LAIR1: variants seen among roughly 807,000 people sequenced by gnomAD.
The protein encoded by LAIR1 is leukocyte associated immunoglobulin like receptor 1.
In LAIR1, 24 loss-of-function variants were observed where a neutral mutation model predicts 32.8. The ratio of observed to expected loss-of-function variants is 0.73; its 90% CI spans 0.53 to 1.03. LAIR1 has a LOEUF of 1.03. Ranked by LOEUF, LAIR1 falls within the 50% of genes least tolerant of loss-of-function variation. The probability of loss-of-function intolerance (pLI) is 0.00; values close to 1 mark genes in which losing one functional copy is unlikely to be tolerated. For synonymous variants in LAIR1, 150 were observed against 140.5 expected, an observed-to-expected ratio of 1.07 and a Z score of -0.48; for missense variants, 355 against 347.5, an observed-to-expected ratio of 1.02 and a Z score of -0.17.
chr19:54,367,101 C>T (rs2082281485), upstream of LAIR1, among the ~76,000 whole-genome samples: 1 of 152,082 alleles, frequency 6.6e-6, no homozygotes, highest in African/African-American at 2.4e-5. Flanking sequence ...TATGTATACA[C>T]AAAAATTAAA....
rs1274756808 is a variant in LAIR1 at position 54,364,312 on chromosome 19, G to A, written c.53C>T (p.Thr18Ile). Residue 18 changes from threonine to isoleucine, a missense_variant, in exon 2 of 10, where the codon ACC (threonine) becomes ATC (isoleucine). By Grantham distance (89) the Thr-to-Ile change is moderately conservative. Transcript: ENST00000391742. This position sits in a 1 kb window ranked among gnomAD's most constrained non-coding sequence, Gnocchi z 4.8. ...LLGLVLCLAQ[T>I]IHTQEEDLPR... The stretch of plus-strand genomic sequence containing the variant: ...TGACTTACCCTCCTGCGTGTGGATG[G>A]TCTGGGCCAGGCAGAGCACTGGAAG... 3.1e-6 allele frequency: 5 copies of A among 1,613,756 alleles called. No homozygotes were observed. The East Asian group carries it at 6.7e-5, about 22-fold the overall frequency.
chr19:54,366,412 G>C (rs1475047644), upstream of LAIR1, among the ~76,000 whole-genome samples: 1 of 152,222 alleles, frequency 6.6e-6, no homozygotes, highest in Admixed American at 6.5e-5. Flanking sequence ...AGCCACCTTT[G>C]TTACGCCTTA....
chr19:54,368,246 T>A (rs1275596381), upstream of LAIR1: 1 of 152,170 alleles, frequency 6.6e-6, no homozygotes, highest in Non-Finnish European at 1.5e-5. Context: ...AGGACAAGGA[T>A]AAAGTGCAGG....
In LAIR1 at chr19:54,356,013, G is replaced by T. The variant is rs141264715; in HGVS notation, c.665-7C>A. On this transcript the variant is annotated splice_polypyrimidine_tract_variant and splice_region_variant and intron_variant, in intron 8 of 9. Coordinates refer to ENST00000391742, the MANE Select transcript of LAIR1 (RefSeq NM_002287.6). The stretch of plus-strand genomic sequence containing the variant: ...CCATTGACTGTGGCCTTGTCTTGGG[G>T]AGAAAATACATGGTCAGTTTTCTGG... 1 of 1,606,912 alleles carries T rather than the reference G, an allele frequency of 6.2e-7. No individual in the cohort carries two copies. The highest frequency in any genetic ancestry group is 1.1e-5 in the South Asian group (1 of 90,936).
At chr19:54,374,134 G>A (rs377582067), upstream of LAIR1, among the ~76,000 whole-genome samples, 14 of 151,888 alleles carry the variant, frequency 9.2e-5, no homozygotes, top group East Asian at 1.5e-3. Context: ...TCTGCCTCAC[G>A]TGAAAAATAA....
At chr19:54,356,800 A>C in intron 5 of LAIR1, 128 bp downstream of exon 5, 1 of 1,279,232 alleles carries the variant, frequency 7.8e-7, no homozygotes, top group Non-Finnish European at 1.1e-6. Context: ...TGAGTGCTGG[A>C]GTCCTCTGCA....
rs555100696 is a variant in LAIR1 at position 54,357,786 on chromosome 19, C to T, written c.416-820G>A. Among the ~76,000 whole-genome samples, 5 of 151,954 alleles carry T rather than the reference C, an allele frequency of 3.3e-5. No homozygotes were observed. The South Asian group carries it at 1.0e-3, about 31-fold the overall frequency. ...GGGGCTGAGGCAGCATCTTCAATAT[C>T]CTTCAAGAAAGGCAGACATTCTCTC... On this transcript the variant is annotated intron_variant, in intron 4 of 9. Coordinates refer to ENST00000391742, the MANE Select transcript of LAIR1 (RefSeq NM_002287.6).
intron 2 of LAIR1, among the ~76,000 whole-genome samples, chr19:54,362,165 G>A (rs1288343203): frequency 1.3e-5 from 2 of 152,064 alleles, no homozygotes; most frequent in African/African-American, 4.8e-5. Context: ...AATTGTTGTG[G>A]TGAGAACATT....
rs773675692 is a variant in LAIR1, at chr19:54,361,129, C to A, written c.151G>T (p.Gly51Cys). ...LGSHVTFVCR[G>C]PVGVQTFRLE... is the part of the protein sequence containing the mutation. The stretch of plus-strand genomic sequence containing the variant: ...CGGAATGTTTGAACCCCAACCGGGC[C>A]CCGGCACACGAAAGTCACATGGCTC... Residue 51 changes from glycine (G) to cysteine (C), a missense_variant, in exon 3 of 10, where the codon GGC becomes TGC. By Grantham distance (159) the Gly-to-Cys change is radical. Coordinates refer to ENST00000391742, the MANE Select transcript of LAIR1 (RefSeq NM_002287.6). 1.9e-5 allele frequency: 30 copies of A among 1,614,070 alleles called. No individual in the cohort carries two copies. The highest frequency in any genetic ancestry group is 2.4e-5 in the Non-Finnish European group (28 of 1,180,040).
exon 1 of LAIR1, chr19:54,370,524 G>A: frequency 5.0e-6 from 2 of 396,094 alleles, no homozygotes; most frequent in African/African-American, 4.3e-5. Context: ...AGACATAGCG[G>A]GTGTCATAGA....
rs1464084922 is a variant in LAIR1 at position 54,364,735 on chromosome 19, C to T, written c.34+36G>A. 5 of 1,574,684 alleles carry T rather than the reference C, an allele frequency of 3.2e-6. No homozygotes were observed. The highest frequency in any genetic ancestry group is 1.1e-5 in the South Asian group (1 of 89,846). On this transcript the variant is annotated intron_variant, in intron 1 of 9. Coordinates refer to ENST00000391742, the MANE Select transcript of LAIR1 (RefSeq NM_002287.6). The surrounding 1 kb of genome is among the most constrained non-coding windows in gnomAD (Gnocchi z 4.8). ...CAGGGAATTTTCCAGACCTCCCGACCCCCTTTCCAGCCTCCCGGCTGCCTC... is the reference window on the plus strand; with the variant it reads ...CAGGGAATTTTCCAGACCTCCCGACTCCCTTTCCAGCCTCCCGGCTGCCTC...
upstream of LAIR1, among the ~76,000 whole-genome samples, chr19:54,366,552 G>T (rs1013760135): frequency 2.0e-5 from 3 of 151,962 alleles, no homozygotes; most frequent in African/African-American, 7.3e-5. Flanking sequence ...GAAGCAGTGC[G>T]ATCTCGGCTC....
At chr19:54,375,987 C>T in the LAIR1 span, among the ~76,000 whole-genome samples, 4 of 151,910 alleles carry the variant, frequency 2.6e-5, no homozygotes, top group Non-Finnish European at 4.4e-5. Context: ...TGGAGCTCCT[C>T]CATCAGGTGA....
chr19:54,358,641 A>C, intron 4 of LAIR1: 1 of 1,572,424 alleles, frequency 6.4e-7, no homozygotes, highest in Non-Finnish European at 8.7e-7. Context: ...AGGACAAAAT[A>C]CTTCCTCAGT....
chr19:54,363,507 C>T (rs867823306), intron 2 of LAIR1, among the ~76,000 whole-genome samples: 6 of 152,084 alleles, frequency 3.9e-5, no homozygotes, highest in African/African-American at 7.2e-5. Context: ...CCAGGGTGAC[C>T]GCAGCACTAC....
At chr19:54,365,463 A>G (rs187951632), upstream of LAIR1, among the ~76,000 whole-genome samples, 141 of 152,268 alleles carry the variant, frequency 9.3e-4, no homozygotes, top group Admixed American at 1.8e-3. Context: ...TAGAGCTACC[A>G]TATGGTCCAG....
At chr19:54,375,084 C>T (rs542207856), upstream of LAIR1, among the ~76,000 whole-genome samples, 7 of 152,340 alleles carry the variant, frequency 4.6e-5, no homozygotes, top group South Asian at 1.4e-3. Context: ...AATCTGCACT[C>T]GATGACGTCT....
chr19:54,368,974 A>C (rs1416580134), upstream of LAIR1, among the ~76,000 whole-genome samples: 1 of 151,272 alleles, frequency 6.6e-6, no homozygotes, highest in African/African-American at 2.5e-5. Flanking sequence ...GGCGTGAGCC[A>C]CTGCACCCGG....
upstream of LAIR1, among the ~76,000 whole-genome samples, chr19:54,369,292 T>G (rs2082346251): frequency 6.6e-6 from 1 of 151,370 alleles, no homozygotes. Flanking sequence ...AGGGTTTCTG[T>G]TTTCCTGGTT....
Sources: gnomAD v4.1 joint callset for allele counts (sites outside exome capture counted in the v4.1 genomes callset) on GRCh38, gnomAD v4.1.1 for gene constraint, Gnocchi (gnomAD v3.1) non-coding constraint, MANE v1.5 for transcripts, NCBI Gene and HGNC (gene_info 2026-07-23, HGNC 2026-07-21) for gene names.